SCTR: variants seen among roughly 807,000 people sequenced by gnomAD.
The protein encoded by SCTR is pancreatic secretin receptor.
In SCTR, 56 loss-of-function variants were observed where a neutral mutation model predicts 60.8. That is an observed-to-expected ratio of 0.92 (90% confidence interval 0.74 to 1.15). SCTR has a LOEUF of 1.15. Ranked by LOEUF, SCTR falls within the 50% of genes most tolerant of loss-of-function variation. The pLI is 0.00. For missense variants in SCTR, 562 were observed against 550.4 expected, an observed-to-expected ratio of 1.02 and a Z score of -0.21; for synonymous variants, 202 against 217.0, an observed-to-expected ratio of 0.93 and a Z score of 0.61.
intron 1 of SCTR, among the ~76,000 whole-genome samples, chr2:119,521,709 C>G (rs57031109): frequency 0.024 from 3,613 of 152,176 alleles, 117 homozygotes; most frequent in African/African-American, 0.081. Context: ...GGGAAGATGC[C>G]TATAATCTCC....
chr2:119,523,035 T>A (rs2104967293), intron 1 of SCTR, among the ~76,000 whole-genome samples: 1 of 152,144 alleles, frequency 6.6e-6, no homozygotes, highest in East Asian at 1.9e-4. Flanking sequence ...AACACTCTGG[T>A]CGGCTCCGGG....
intron 11 of SCTR, among the ~76,000 whole-genome samples, chr2:119,444,558 A>T (rs183725652): frequency 0.32 from 941 of 2,904 alleles, 388 homozygotes; most frequent in South Asian, 0.56. Flanking sequence ...TATACGTACG[A>T]ATATATATAC....
rs13432356 is a variant in SCTR, at chr2:119,517,792, T to C, written c.72+6363A>G. Reference sequence around the variant, plus strand: ...GGAAGGAAGTCGGTAGGGGTAGGAGTAGGGACAGGCTGTTGTCTGGGGAAC... The same window carrying C: ...GGAAGGAAGTCGGTAGGGGTAGGAGCAGGGACAGGCTGTTGTCTGGGGAAC... On this transcript the variant is annotated intron_variant, in intron 1 of 12. Transcript: ENST00000019103. 1.4e-3 allele frequency among the ~76,000 whole-genome samples: 217 copies of C among 152,006 alleles called. 1 individual carries two copies. Among genetic ancestry groups the C allele is most frequent in the African/African-American group, 4.6e-3 (190 of 41,442 alleles).
intron 1 of SCTR, among the ~76,000 whole-genome samples, chr2:119,517,821 C>T (rs1340293214): frequency 6.6e-6 from 1 of 152,124 alleles, no homozygotes; most frequent in African/African-American, 2.4e-5. Context: ...GGGGAACAGC[C>T]TCTCTTCCAC....
At chr2:119,489,260 A>G (rs1391278283) in intron 2 of SCTR, among the ~76,000 whole-genome samples, 1 of 152,196 alleles carries the variant, frequency 6.6e-6, no homozygotes, top group Non-Finnish European at 1.5e-5. Context: ...CAAGTTGGGC[A>G]GCTGGTGGCA....
chr2:119,500,315 G>T (rs185737070), intron 1 of SCTR, among the ~76,000 whole-genome samples: 1 of 152,198 alleles, frequency 6.6e-6, no homozygotes, highest in East Asian at 1.9e-4. Flanking sequence ...CAGTATGGAG[G>T]TTTCTCAAAA....
chr2:119,523,726 C>CTCCTT lies in SCTR; in HGVS notation c.72+424_72+428dup, dbSNP rs571428932. Among the ~76,000 whole-genome samples, 170 of 152,268 alleles carry CTCCTT rather than the reference C, an allele frequency of 1.1e-3. 2 individuals carry two copies. The highest frequency in any genetic ancestry group is 2.9e-3 in the South Asian group (14 of 4,810). ...CAAGAATTTTTATTCCCCCTCTCCT[C>CTCCTT]TCCTTTCCTTTCCTTTCTTTGTCTG... On this transcript the variant is annotated intron_variant, in intron 1 of 12. Coordinates refer to ENST00000019103, the MANE Select transcript of SCTR (RefSeq NM_002980.3).
intron 10 of SCTR, among the ~76,000 whole-genome samples, chr2:119,448,116 C>T (rs1487357384): frequency 6.6e-6 from 1 of 152,192 alleles, no homozygotes; most frequent in Non-Finnish European, 1.5e-5. Context: ...AGCAAAGACC[C>T]TGTGAGGACA....
chr2:119,510,438 C>T (rs973857674), intron 1 of SCTR, among the ~76,000 whole-genome samples: 6 of 151,960 alleles, frequency 3.9e-5, no homozygotes, highest in Admixed American at 1.3e-4. Flanking sequence ...TTGCTGGGAG[C>T]GCCTGGGAAG....
chr2:119,524,202 G>A lies in SCTR; in HGVS notation c.25C>T (p.Leu9=). Residue 9 remains leucine (L), a synonymous_variant, in exon 1 of 13, where the codon CTG becomes TTG. Transcript: ENST00000019103. Reference sequence around the variant, plus strand: ...AGCACCGGCAGTAGTAGCTGCTGCAGCGGCGGCGACAGGTGGGGACGCATG... The same window carrying A: ...AGCACCGGCAGTAGTAGCTGCTGCAACGGCGGCGACAGGTGGGGACGCATG... The part of the protein sequence containing the change: MRPHLSPP[L]QQLLLPVLLA... 3 of 1,520,272 alleles carry A rather than the reference G, an allele frequency of 2.0e-6. No homozygotes were observed. Among genetic ancestry groups the A allele is most frequent in the Middle Eastern group, 1.8e-4 (1 of 5,478 alleles). The allele number at this position is 1,520,272 out of a possible 1,614,324, so 94.2% of individuals were successfully genotyped here.
chr2:119,512,794 T>A (rs1211740864), intron 1 of SCTR, among the ~76,000 whole-genome samples: 2 of 152,238 alleles, frequency 1.3e-5, no homozygotes, highest in Non-Finnish European at 2.9e-5. Context: ...AATCCTTTCT[T>A]ACTCTGAGAT....
chr2:119,516,426 C>T (rs776875101), intron 1 of SCTR, among the ~76,000 whole-genome samples: 4 of 152,138 alleles, frequency 2.6e-5, no homozygotes, highest in Non-Finnish European at 5.9e-5. Context: ...CATGAATAAA[C>T]TTGAAAGACA....
At chr2:119,496,013 C>T (rs1339773070) in intron 1 of SCTR, among the ~76,000 whole-genome samples, 2 of 152,282 alleles carry the variant, frequency 1.3e-5, no homozygotes, top group Admixed American at 6.5e-5. Flanking sequence ...AAGAATATAG[C>T]AGTTGTCAAG....
intron 2 of SCTR, among the ~76,000 whole-genome samples, chr2:119,484,066 G>A (rs1214462241): frequency 2.0e-5 from 3 of 152,132 alleles, no homozygotes; most frequent in Admixed American, 6.5e-5. Context: ...CAGGACTAGG[G>A]TCATCCTGGG....
chr2:119,516,364 A>G (rs908244907), intron 1 of SCTR, among the ~76,000 whole-genome samples: 6 of 152,202 alleles, frequency 3.9e-5, no homozygotes, highest in African/African-American at 9.7e-5. Context: ...CTGCATATAT[A>G]CAATGGAATG....
At chr2:119,466,946 G>A (rs1411368342) in intron 4 of SCTR, among the ~76,000 whole-genome samples, 1 of 152,110 alleles carries the variant, frequency 6.6e-6, no homozygotes, top group African/African-American at 2.4e-5. Context: ...GAGGTAGAAG[G>A]GATCCATCAC....
chr2:119,491,232 C>T (rs1678113126), intron 2 of SCTR, among the ~76,000 whole-genome samples: 1 of 152,210 alleles, frequency 6.6e-6, no homozygotes, highest in Admixed American at 6.5e-5. Context: ...CGGTAACACT[C>T]CTGGCCTCCT....
intron 1 of SCTR, among the ~76,000 whole-genome samples, chr2:119,520,001 G>C (rs971519535): frequency 1.3e-5 from 2 of 152,124 alleles, no homozygotes; most frequent in African/African-American, 2.4e-5. Flanking sequence ...CTGTTGAAGT[G>C]AGTGTTAGTG....
intron 3 of SCTR, among the ~76,000 whole-genome samples, chr2:119,475,151 A>G (rs1019990796): frequency 1.3e-5 from 2 of 152,162 alleles, no homozygotes; most frequent in Admixed American, 1.3e-4. Context: ...GGGGCTTGGA[A>G]TCTTGGAATT....
Sources: allele counts gnomAD v4.1 joint callset (sites outside exome capture counted in the v4.1 genomes callset), GRCh38; gene constraint gnomAD v4.1.1; transcripts MANE v1.5; gene names NCBI Gene and HGNC (gene_info 2026-07-23, HGNC 2026-07-21).